HK2: variants seen among roughly 807,000 people sequenced by gnomAD.
HK2 encodes the protein hexokinase 2.
A neutral mutation model predicts 92.9 loss-of-function variants in HK2; 42 were observed. The observed-to-expected ratio is 0.45, with a 90% CI of 0.35 to 0.58. HK2 has a LOEUF of 0.58. Among genes scored for constraint, HK2 ranks in the 20% least tolerant of loss-of-function variants. The pLI, the probability that HK2 is intolerant of heterozygous loss-of-function variation, is 0.00. For missense variants in HK2, 978 were observed against 1,245.1 expected, an observed-to-expected ratio of 0.79 and a Z score of 3.23; for synonymous variants, 422 against 468.0, an observed-to-expected ratio of 0.90 and a Z score of 1.27.
chr2:74,855,401 G>A (rs183579703), intron 2 of HK2, among the ~76,000 whole-genome samples: 122 of 152,154 alleles, frequency 8.0e-4, no homozygotes, highest in African/African-American at 2.7e-3. Flanking sequence ...ATGGAGTCTC[G>A]CTCTGTCACC....
At chr2:74,846,983 G>A (rs1364573151) in intron 1 of HK2, among the ~76,000 whole-genome samples, 1 of 152,238 alleles carries the variant, frequency 6.6e-6, no homozygotes, top group Non-Finnish European at 1.5e-5. Flanking sequence ...GAACATGCAT[G>A]TTAAGAAAGG....
At chr2:74,878,413 CTGTGTGTG>C (rs56015017) in intron 8 of HK2, among the ~76,000 whole-genome samples, 1,766 of 149,904 alleles carry the variant, frequency 0.012, 35 homozygotes, top group African/African-American at 0.038. Flanking sequence ...CCGTGTGTCT[CTGTGTGTG>C]TGTGTGTGTG....
rs1249491633 is a variant in HK2, at chr2:74,853,639, G to A, written c.64-654G>A. ...AGGCTGAGGTGGGAGGATCACCTGA[G>A]GCTGGCTGAGATCTCATCACTGCAC... On this transcript the variant is annotated intron_variant, in intron 1 of 17. Transcript: ENST00000290573. Among the ~76,000 whole-genome samples the A allele has an allele frequency of 2.0e-5, 3 of 151,862 alleles. No individual in the cohort carries two copies. In the East Asian group the frequency reaches 5.8e-4, roughly 29 times the overall value.
intron 2 of HK2, among the ~76,000 whole-genome samples, chr2:74,861,811 G>A (rs1488051773): frequency 2.0e-5 from 3 of 152,226 alleles, no homozygotes; most frequent in African/African-American, 7.2e-5. Context: ...CCAGCCGCAT[G>A]TTCTAACTTA....
chr2:74,858,431 C>T (rs1316263826), intron 2 of HK2, among the ~76,000 whole-genome samples: 5 of 151,990 alleles, frequency 3.3e-5, no homozygotes, highest in East Asian at 3.9e-4. Context: ...TGCTTCAGAG[C>T]GATTTATGAT....
chr2:74,887,801 T>G (rs2104017211), intron 15 of HK2, 102 bp from the exon 16 acceptor site: 1 of 1,038,680 alleles, frequency 9.6e-7, no homozygotes, highest in South Asian at 1.3e-5. Flanking sequence ...TCTGCCTGTC[T>G]GCCACTGCTG....
chr2:74,874,282 C>A lies in HK2; in HGVS notation c.708C>A (p.Ala236=). The A allele has an allele frequency of 6.2e-7, 1 of 1,614,166 alleles. No individual in the cohort carries two copies. The highest frequency in any genetic ancestry group is 8.5e-7 in the Non-Finnish European group (1 of 1,180,036). ...IGLIVGTGSN[A]CYMEEMRHID... ...TTTTGGCAGGCACGGGCAGCAACGC[C>A]TGCTACATGGAAGAGATGCGCCACA... The change falls in exon 7 of 18, where the codon GCC becomes GCA. Residue 236 remains alanine, a synonymous_variant. Transcript: ENST00000290573.
chr2:74,859,233 T>A (rs767085255), intron 2 of HK2, among the ~76,000 whole-genome samples: 1 of 152,230 alleles, frequency 6.6e-6, no homozygotes, highest in Non-Finnish European at 1.5e-5. Flanking sequence ...TGAGAAAGTA[T>A]AGTAAATACT....
intron 9 of HK2, 114 bp from the exon 10 acceptor site, chr2:74,880,151 C>T: frequency 8.8e-7 from 1 of 1,141,128 alleles, no homozygotes; most frequent in Non-Finnish European, 1.3e-6. Flanking sequence ...GCAGCACCCA[C>T]TCCTGCAGGT....
intron 2 of HK2, among the ~76,000 whole-genome samples, chr2:74,865,545 TC>T (rs1288342695): frequency 6.6e-6 from 1 of 152,066 alleles, no homozygotes; most frequent in Non-Finnish European, 1.5e-5. Flanking sequence ...TTGGCTGAGT[TC>T]CCACTACCAG....
At chr2:74,864,207 T>G (rs1573372556) in intron 2 of HK2, among the ~76,000 whole-genome samples, 1 of 152,194 alleles carries the variant, frequency 6.6e-6, no homozygotes, top group Non-Finnish European at 1.5e-5. Context: ...ACTAGAGCCC[T>G]TTTGGAAACA....
intron 1 of HK2, chr2:74,835,194 C>T (rs1269997306): frequency 2.4e-5 from 4 of 168,624 alleles, no homozygotes; most frequent in Non-Finnish European, 2.6e-5. Context: ...AGGAAAGGGG[C>T]AGAGGAACTC....
rs1433734571 is a variant in HK2 at position 74,859,558 on chromosome 2, C to T, written c.226+5103C>T. ...AAAATTAGCCAGGCGTGGTGGCAGG[C>T]GGCTGAAGCAGGAAGAATGGTGTGA... is the stretch of plus-strand genomic sequence containing the variant. On this transcript the variant is annotated intron_variant, in intron 2 of 17. Coordinates refer to ENST00000290573, the MANE Select transcript of HK2 (RefSeq NM_000189.5). Among the ~76,000 whole-genome samples, 4 of 152,070 alleles carry T rather than the reference C, an allele frequency of 2.6e-5. No homozygotes were observed. The East Asian group carries it at 7.7e-4, about 29-fold the overall frequency.
At chr2:74,868,337 A>G (rs1282810237) in intron 3 of HK2, among the ~76,000 whole-genome samples, 1 of 152,056 alleles carries the variant, frequency 6.6e-6, no homozygotes, top group Non-Finnish European at 1.5e-5. Flanking sequence ...AGGGACACAG[A>G]GGGTAGCGGC....
intron 4 of HK2, 27 bp downstream of exon 4, chr2:74,872,446 TG>T: frequency 6.2e-7 from 1 of 1,613,566 alleles, no homozygotes. Flanking sequence ...AGACACTTGT[TG>T]CTTCACTCTT....
intron 2 of HK2, among the ~76,000 whole-genome samples, chr2:74,862,367 C>G (rs943072482): frequency 3.9e-5 from 6 of 152,240 alleles, no homozygotes; most frequent in Admixed American, 3.3e-4. Flanking sequence ...CCTAGCTGTT[C>G]AGCTCATTCA....
chr2:74,884,952 TG>T lies in HK2; in HGVS notation c.1840-539del, dbSNP rs549028935. On this transcript the variant is annotated intron_variant, in intron 12 of 17. Transcript: ENST00000290573. ...GTGAAGCCTAGCTGTCACCCAGCTG[TG>T]GGCAAAGCACTTGTTCGCCAGATGC... is the stretch of plus-strand genomic sequence containing the variant. Among the ~76,000 whole-genome samples the T allele has an allele frequency of 2.7e-3, 410 of 152,296 alleles. 2 individuals are homozygous for T. Among genetic ancestry groups the T allele is most frequent in the South Asian group, 7.7e-3 (37 of 4,816 alleles).
At chr2:74,886,433 G>A (rs1347843408) in intron 14 of HK2, 40 bp downstream of exon 14, 2 of 1,613,434 alleles carry the variant, frequency 1.2e-6, no homozygotes, top group East Asian at 4.5e-5. Context: ...GGGATGCACA[G>A]CCTTGGGTGT....
chr2:74,860,352 C>G (rs572042428), intron 2 of HK2, among the ~76,000 whole-genome samples: 11 of 152,302 alleles, frequency 7.2e-5, no homozygotes, highest in South Asian at 4.1e-4. Flanking sequence ...AAAAAAACCT[C>G]CATCAAGATA....
Sources: allele counts gnomAD v4.1 joint callset (sites outside exome capture counted in the v4.1 genomes callset), GRCh38; gene constraint gnomAD v4.1.1; transcripts MANE v1.5; gene names NCBI Gene and HGNC (gene_info 2026-07-23, HGNC 2026-07-21).